The following HELZ variants were observed in gnomAD, a reference collection of about 807,000 sequenced individuals.
The protein encoded by HELZ is helicase with zinc finger.
HELZ carries 23 observed loss-of-function variants against 218.2 expected under a neutral mutation model. That is an observed-to-expected ratio of 0.11 (90% CI 0.08 to 0.15). HELZ has a LOEUF of 0.15. HELZ is among the 10% of genes least tolerant of loss of function. HELZ has a pLI of 1.00. For synonymous variants in HELZ, 814 were observed against 829.4 expected, an observed-to-expected ratio of 0.98 and a Z score of 0.32; for missense variants, 1,813 against 2,353.7, an observed-to-expected ratio of 0.77 and a Z score of 4.75.
intron 23 of HELZ, among the ~76,000 whole-genome samples, chr17:67,134,254 G>A (rs769091685): frequency 4.0e-4 from 61 of 152,012 alleles, no homozygotes; most frequent in Non-Finnish European, 4.9e-4. Flanking sequence ...GCGTGGTGGC[G>A]CATGCCTGTA....
chr17:67,169,765 G>A (rs2039255927), intron 13 of HELZ, among the ~76,000 whole-genome samples: 1 of 152,144 alleles, frequency 6.6e-6, no homozygotes, highest in Admixed American at 6.5e-5. Context: ...AACTAAATCA[G>A]ATACGGATAA....
chr17:67,152,317 C>T (rs1393850736), intron 17 of HELZ, among the ~76,000 whole-genome samples: 1 of 152,050 alleles, frequency 6.6e-6, no homozygotes, highest in Non-Finnish European at 1.5e-5. Context: ...CAACACTGAG[C>T]GGCACGGAGG....
chr17:67,179,661 C>A (rs2039553560), intron 12 of HELZ: 1 of 152,074 alleles, frequency 6.6e-6, no homozygotes, highest in African/African-American at 2.4e-5. Flanking sequence ...ACTCTGAGCA[C>A]TGGGTTGGCT....
In HELZ at chr17:67,142,885, T is replaced by C. The variant is rs148710622; in HGVS notation, c.2769+2858A>G. On this transcript the variant is annotated intron_variant, in intron 21 of 32. Transcript: ENST00000358691. ...CATCCTCCCACCTCAGCCTCCTGAG[T>C]AGCTGGTATTACAGGCACCTGCCAC... 3.8e-3 allele frequency among the ~76,000 whole-genome samples: 579 copies of C among 152,128 alleles called. 4 individuals are homozygous for C. The highest frequency in any genetic ancestry group is 0.013 in the African/African-American group (542 of 41,498).
chr17:67,174,570 G>A (rs1172565676), intron 13 of HELZ, among the ~76,000 whole-genome samples: 3 of 152,044 alleles, frequency 2.0e-5, no homozygotes, highest in African/African-American at 4.8e-5. Flanking sequence ...AGGCCGAGGC[G>A]GGCAGATCAC....
At chr17:67,140,760 G>A (rs1030818968) in intron 21 of HELZ, among the ~76,000 whole-genome samples, 4 of 152,136 alleles carry the variant, frequency 2.6e-5, no homozygotes, top group Middle Eastern at 3.4e-3. Context: ...TAAACACAAG[G>A]AGACCCACAC....
intron 32 of HELZ, among the ~76,000 whole-genome samples, 198 bp downstream of exon 32, chr17:67,086,631 A>AGTATAAATATATAT: frequency 1.1e-5 from 1 of 93,318 alleles, no homozygotes; most frequent in Non-Finnish European, 2.0e-5. Context: ...TATAAATATA[A>AGTATAAATATATAT]ATATATATAT....
intron 23 of HELZ, among the ~76,000 whole-genome samples, chr17:67,132,651 C>G (rs576738656): frequency 1.3e-5 from 2 of 152,310 alleles, no homozygotes; most frequent in South Asian, 4.1e-4. Context: ...TAAACCAGCA[C>G]CTGGCTCAAA....
chr17:67,207,212 T>A (rs1479728321), intron 5 of HELZ, among the ~76,000 whole-genome samples: 11 of 64,842 alleles, frequency 1.7e-4, no homozygotes, highest in African/African-American at 1.3e-3. Flanking sequence ...ACGCCCGGCC[T>A]TTTTTTTTTT....
rs1347047476 is a variant in HELZ, at chr17:67,138,041, C to A, written c.2843G>T (p.Gly948Val). The A allele has an allele frequency of 1.2e-6, 2 of 1,613,682 alleles. No homozygotes were observed. Among genetic ancestry groups the A allele is most frequent in the Non-Finnish European group, 1.7e-6 (2 of 1,179,830 alleles). ...WPVAWGKLDD[G>V]SIGVVTPYAD... Reference sequence around the variant, plus strand: ...ATATGGAGTCACCACACCAATACTGCCATCATCTAACTTCCCCCACGCTAC... The same window carrying A: ...ATATGGAGTCACCACACCAATACTGACATCATCTAACTTCCCCCACGCTAC... The change falls in exon 22 of 33, where the codon GGC becomes GTC. Residue 948 changes from glycine (G) to valine (V), a missense_variant. Gly to Val is a moderately radical substitution (Grantham distance 109). This residue lies in a region of HELZ where 156 missense variants were observed against 274.4 expected (regional missense o/e 0.57). Coordinates refer to ENST00000358691, the MANE Select transcript of HELZ (RefSeq NM_014877.4).
intron 6 of HELZ, among the ~76,000 whole-genome samples, chr17:67,201,589 G>C (rs1598413418): frequency 6.6e-6 from 1 of 152,062 alleles, no homozygotes; most frequent in Admixed American, 6.5e-5. Context: ...CATGATTCAG[G>C]AAGATTCATA....
chr17:67,109,215 G>T lies in HELZ; in HGVS notation c.4390C>A (p.Pro1464Thr). ...PPPMLQEGHS[P>T]LRAIAQPGPI... ...CCGGGTTGTGCAATGGCTCTCAGAG[G>T]ACTGTGGCCTTCTTGCAGCATGGGA... The change falls in exon 29 of 33, where the codon CCT becomes ACT. Residue 1464 changes from proline (P) to threonine (T), a missense_variant. Pro to Thr is a conservative substitution (Grantham distance 38). Coordinates refer to ENST00000358691, the MANE Select transcript of HELZ (RefSeq NM_014877.4). 1 of 1,614,134 alleles carries T rather than the reference G, an allele frequency of 6.2e-7. No homozygotes were observed. Among genetic ancestry groups the T allele is most frequent in the Non-Finnish European group, 8.5e-7 (1 of 1,180,022 alleles).
At chr17:67,228,766 T>G (rs1332119927) in intron 3 of HELZ, among the ~76,000 whole-genome samples, 1 of 152,058 alleles carries the variant, frequency 6.6e-6, no homozygotes, top group Non-Finnish European at 1.5e-5. Flanking sequence ...TTGCCCAGGC[T>G]GGAGTGCAAT....
Sources: gnomAD v4.1 joint callset for allele counts (sites outside exome capture counted in the v4.1 genomes callset) on GRCh38, gnomAD v4.1.1 for gene constraint, gnomAD v4.1.1 regional missense constraint, MANE v1.5 for transcripts, NCBI Gene and HGNC (gene_info 2026-07-23, HGNC 2026-07-21) for gene names.